Variants in SLA observed in about 807,000 individuals in gnomAD.
SLA encodes the protein Src like adaptor, also known as src-like-adapter.
A neutral mutation model predicts 30.3 loss-of-function variants in SLA; 16 were observed. The observed-to-expected ratio is 0.53, with a 90% CI of 0.36 to 0.80. The LOEUF is 0.80. Ranked by LOEUF, SLA falls within the 30% of genes least tolerant of loss-of-function variation. The pLI, the probability that SLA is intolerant of heterozygous loss-of-function variation, is 0.01. For missense variants in SLA, 310 were observed against 345.2 expected, an observed-to-expected ratio of 0.90 and a Z score of 0.81; for synonymous variants, 143 against 137.8, an observed-to-expected ratio of 1.04 and a Z score of -0.26.
chr8:133,056,835 A>C (rs1323650128), intron 3 of SLA, among the ~76,000 whole-genome samples: 1 of 152,214 alleles, frequency 6.6e-6, no homozygotes, highest in Non-Finnish European at 1.5e-5. Flanking sequence ...GTGCAGGGGC[A>C]GGACTAAAAG....
intron 2 of SLA, among the ~76,000 whole-genome samples, chr8:133,065,302 T>A (rs1352262743): frequency 6.6e-6 from 1 of 152,202 alleles, no homozygotes; most frequent in East Asian, 1.9e-4. Flanking sequence ...TTAAGTGACT[T>A]GTCCAAGGTT....
chr8:133,066,068 A>T (rs1842991261), intron 2 of SLA, among the ~76,000 whole-genome samples: 1 of 152,156 alleles, frequency 6.6e-6, no homozygotes, highest in Non-Finnish European at 1.5e-5. Flanking sequence ...CATTATTTTT[A>T]AAAGCTGTTA....
chr8:133,060,070 C>T lies in SLA; in HGVS notation c.61+30G>A, dbSNP rs768279465. 85 of 1,558,474 alleles carry T rather than the reference C, an allele frequency of 5.5e-5. No individual in the cohort carries two copies. In the South Asian group the frequency reaches 1.0e-3, roughly 18 times the overall value. On this transcript the variant is annotated intron_variant, in intron 3 of 8. Transcript: ENST00000338087. ...ACCACAGGCTCTTGTAGCACAGACTCAAGCATCTCACCAGAGAAGCCAGAC... is the reference window on the plus strand; with the variant it reads ...ACCACAGGCTCTTGTAGCACAGACTTAAGCATCTCACCAGAGAAGCCAGAC...
chr8:133,095,404 A>G (rs575564171), intron 1 of SLA, among the ~76,000 whole-genome samples: 72 of 152,340 alleles, frequency 4.7e-4, no homozygotes, highest in African/African-American at 1.6e-3. Context: ...AAACATGGGC[A>G]CTGAGGGTAG....
At chr8:133,044,229 C>T (rs893500301) in intron 7 of SLA, among the ~76,000 whole-genome samples, 3 of 152,098 alleles carry the variant, frequency 2.0e-5, no homozygotes, top group African/African-American at 7.2e-5. Flanking sequence ...GGTAAAGTTC[C>T]GATTCCTGAG....
At chr8:133,057,187 TTCAGG>T (rs548315220) in intron 3 of SLA, among the ~76,000 whole-genome samples, 2,774 of 151,718 alleles carry the variant, frequency 0.018, 93 homozygotes, top group African/African-American at 0.063. Flanking sequence ...TTGGTGCCTC[TTCAGG>T]TCAGGGTGAT....
intron 1 of SLA, among the ~76,000 whole-genome samples, chr8:133,075,675 A>G (rs780384948): frequency 2.2e-4 from 34 of 152,286 alleles, no homozygotes; most frequent in South Asian, 4.1e-4. Context: ...CTGCATCCCT[A>G]TATCTACAGC....
chr8:133,076,436 G>C (rs1288114051), intron 1 of SLA, among the ~76,000 whole-genome samples: 1 of 152,206 alleles, frequency 6.6e-6, no homozygotes, highest in African/African-American at 2.4e-5. Flanking sequence ...TGGTTCCTTA[G>C]ACAACTTGTG....
chr8:133,045,390 T>C (rs973582765), intron 6 of SLA, among the ~76,000 whole-genome samples: 1 of 98,952 alleles, frequency 1.0e-5, no homozygotes, highest in African/African-American at 3.4e-5. Flanking sequence ...CTCTTTGCTT[T>C]TTTTTTTTTT....
intron 2 of SLA, among the ~76,000 whole-genome samples, chr8:133,068,657 G>A (rs953815136): frequency 2.6e-5 from 4 of 152,330 alleles, no homozygotes; most frequent in East Asian, 3.9e-4. Flanking sequence ...CCACACTGAC[G>A]CAAGGGGCTC....
chr8:133,096,165 G>T (rs1296141982), intron 1 of SLA: 2 of 1,611,966 alleles, frequency 1.2e-6, no homozygotes, highest in African/African-American at 2.7e-5. Context: ...CAGTGCAACT[G>T]ATTATTCCAG....
chr8:133,052,172 A>C (rs1175834101), intron 3 of SLA, among the ~76,000 whole-genome samples: 5 of 152,246 alleles, frequency 3.3e-5, no homozygotes, highest in African/African-American at 1.2e-4. Flanking sequence ...TCCGAGTCAT[A>C]AGCCTCTTGG....
Position 133,067,908 on chromosome 8 carries a change from AAGGAAGGAAAG to A in SLA, c.-41+6934_-41+6944del, listed in dbSNP as rs1263540502. Among the ~76,000 whole-genome samples, 548 of 57,764 alleles carry A rather than the reference AAGGAAGGAAAG, an allele frequency of 9.5e-3. 7 individuals are homozygous for A. Among genetic ancestry groups the A allele is most frequent in the African/African-American group, 0.011 (210 of 19,974 alleles). 37.9% of individuals were successfully genotyped at this position (57,764 alleles called of 152,430 possible). A position where few individuals can be genotyped will look rare whatever the true frequency, so the allele number is the denominator to read the frequency against. On this transcript the variant is annotated intron_variant, in intron 2 of 8. Transcript: ENST00000338087. ...GAAGTATGTATGGAAGGAAGGAAGG[AAGGAAGGAAAG>A]AGAGAGAGAGAGAAAGAAAGAAAGA...
chr8:133,068,750 C>G (rs564089315), intron 2 of SLA, among the ~76,000 whole-genome samples: 2 of 152,340 alleles, frequency 1.3e-5, no homozygotes, highest in South Asian at 4.1e-4. Context: ...AGAAGCCATT[C>G]CTGACGTGGC....
intron 1 of SLA, among the ~76,000 whole-genome samples, chr8:133,084,773 G>A (rs1334577871): frequency 6.6e-6 from 1 of 152,240 alleles, no homozygotes; most frequent in South Asian, 2.1e-4. Context: ...GCCTGGGAAG[G>A]CCTCCACACT....
At chr8:133,053,238 C>T (rs192988040) in intron 3 of SLA, among the ~76,000 whole-genome samples, 7 of 152,284 alleles carry the variant, frequency 4.6e-5, no homozygotes, top group East Asian at 1.9e-4. Context: ...TCCTCTGAAG[C>T]GGTTACCCCA....
chr8:133,096,436 A>G (rs1390552662), intron 1 of SLA: 16 of 1,591,472 alleles, frequency 1.0e-5, no homozygotes, highest in African/African-American at 2.7e-5. Context: ...CTGGACCTCA[A>G]TGTCTGACTT....
chr8:133,058,648 G>A (rs150111963), intron 3 of SLA, among the ~76,000 whole-genome samples: 8 of 152,178 alleles, frequency 5.3e-5, no homozygotes, highest in Admixed American at 6.5e-5. Context: ...GCCAAAGCCA[G>A]TTTGGAGAGG....
chr8:133,080,346 T>A (rs935276848), intron 1 of SLA, among the ~76,000 whole-genome samples: 2 of 152,258 alleles, frequency 1.3e-5, no homozygotes, highest in African/African-American at 4.8e-5. Context: ...AAACTGGCAC[T>A]CATAGGGCTT....
Sources: allele counts gnomAD v4.1 joint callset (sites outside exome capture counted in the v4.1 genomes callset), GRCh38; gene constraint gnomAD v4.1.1; transcripts MANE v1.5; gene names NCBI Gene and HGNC (gene_info 2026-07-23, HGNC 2026-07-21).